ARL15: variants seen among roughly 807,000 people sequenced by gnomAD.
The protein encoded by ARL15 is ADP-ribosylation factor-like protein 15.
ARL15 carries 19 observed loss-of-function variants against 25.2 expected under a neutral mutation model. That is an observed-to-expected ratio of 0.75 (90% confidence interval 0.53 to 1.10). The LOEUF (loss-of-function observed/expected upper bound fraction) is 1.10, where lower values mean the gene tolerates loss of function less well. Among genes scored for constraint, ARL15 ranks in the 50% least tolerant of loss-of-function variants. ARL15 has a pLI of 0.00. For missense variants in ARL15, 220 were observed against 246.0 expected, an observed-to-expected ratio of 0.89 and a Z score of 0.71; for synonymous variants, 94 against 86.8, an observed-to-expected ratio of 1.08 and a Z score of -0.46.
intron 1 of ARL15, among the ~76,000 whole-genome samples, chr5:54,295,245 A>G (rs1758436939): frequency 1.3e-5 from 2 of 152,224 alleles, no homozygotes; most frequent in Non-Finnish European, 2.9e-5. Flanking sequence ...ATTATTTATG[A>G]TAAAACAGGA....
At chr5:54,283,678 G>C (rs42877) in intron 1 of ARL15, among the ~76,000 whole-genome samples, 40,795 of 152,108 alleles carry the variant, frequency 0.27, 6,759 homozygotes, top group African/African-American at 0.47. Context: ...ATTACCCCAA[G>C]TTGTACCTTT....
At chr5:54,267,991 T>C (rs1399483482) in intron 1 of ARL15, among the ~76,000 whole-genome samples, 5 of 151,934 alleles carry the variant, frequency 3.3e-5, no homozygotes, top group Non-Finnish European at 2.9e-5. Flanking sequence ...GTTCTCTGTA[T>C]TTCCTGAATC....
At chr5:54,140,441 T>C (rs1200503308) in intron 3 of ARL15, among the ~76,000 whole-genome samples, 3 of 137,738 alleles carry the variant, frequency 2.2e-5, no homozygotes, top group Admixed American at 8.1e-5. Flanking sequence ...GATAGATAGA[T>C]AGATAGATAG....
intron 4 of ARL15, among the ~76,000 whole-genome samples, chr5:54,037,054 TTTTA>T (rs1750190164): frequency 6.6e-6 from 1 of 152,064 alleles, no homozygotes; most frequent in South Asian, 2.1e-4. Context: ...TTATACAGGT[TTTTA>T]TTTGTCAGAA....
chr5:54,247,075 T>A (rs2112589116), intron 1 of ARL15, among the ~76,000 whole-genome samples: 1 of 152,238 alleles, frequency 6.6e-6, no homozygotes, highest in African/African-American at 2.4e-5. Flanking sequence ...ATAATTTGCA[T>A]TTTTGTTTTC....
At chr5:54,206,703 G>A (rs1579910629) in intron 1 of ARL15, among the ~76,000 whole-genome samples, 1 of 152,294 alleles carries the variant, frequency 6.6e-6, no homozygotes, top group East Asian at 1.9e-4. Flanking sequence ...AGGGGAAAAA[G>A]AACTTGATTT....
chr5:54,236,407 GACACACACACACACACACACACACAC>G (rs72439978), intron 1 of ARL15, among the ~76,000 whole-genome samples: 2 of 140,644 alleles, frequency 1.4e-5, no homozygotes, highest in East Asian at 4.1e-4. Flanking sequence ...ACTAAACACA[GACACACACACACACACACACACACAC>G]ACACACACAC....
intron 2 of ARL15, among the ~76,000 whole-genome samples, chr5:54,162,806 C>T (rs1374889001): frequency 6.6e-6 from 1 of 152,118 alleles, no homozygotes; most frequent in African/African-American, 2.4e-5. Flanking sequence ...AAAGAGTTGT[C>T]GATTCAATTA....
At chr5:53,979,558 A>AAAC (rs910390021) in intron 4 of ARL15, among the ~76,000 whole-genome samples, 3 of 152,024 alleles carry the variant, frequency 2.0e-5, no homozygotes, top group Admixed American at 6.6e-5. Context: ...ACCAAAACCT[A>AAAC]AACAACAACA....
At chr5:54,187,975 GC>G (rs1755286122) in intron 1 of ARL15, among the ~76,000 whole-genome samples, 2 of 152,138 alleles carry the variant, frequency 1.3e-5, no homozygotes, top group Admixed American at 6.6e-5. Flanking sequence ...TGTGTGACTA[GC>G]CATTCTTTTC....
In ARL15 at chr5:54,146,405, C is replaced by T. The variant is rs184527140; in HGVS notation, c.253+8175G>A. Among the ~76,000 whole-genome samples, 38 of 152,166 alleles carry T rather than the reference C, an allele frequency of 2.5e-4. 1 individual carries two copies. The East Asian group carries it at 6.0e-3, about 24-fold the overall frequency. ...ACAAGAGAATTGTTATCAGCATCTT[C>T]GACTGCTGGAAAAAAAAATAAGTAG... On this transcript the variant is annotated intron_variant, in intron 3 of 4. Transcript: ENST00000504924.
chr5:54,144,939 C>CT (rs1355042709), intron 3 of ARL15, among the ~76,000 whole-genome samples: 1 of 152,150 alleles, frequency 6.6e-6, no homozygotes, highest in Non-Finnish European at 1.5e-5. Flanking sequence ...CTGATGAGCC[C>CT]TTTGATTAAT....
rs573560505 is a variant in ARL15, at chr5:54,076,848, G to A, written c.462+36354C>T. On this transcript the variant is annotated intron_variant, in intron 4 of 4. Coordinates refer to ENST00000504924, the MANE Select transcript of ARL15 (RefSeq NM_019087.3). ...AACATCCATGGAGGAAGACATCAGC[G>A]TTAATTCCTAAAAAGGCTCCTGTGC... Among the ~76,000 whole-genome samples, 41 of 152,024 alleles carry A rather than the reference G, an allele frequency of 2.7e-4. No homozygotes were observed. In the South Asian group the frequency reaches 5.0e-3, roughly 19 times the overall value.
chr5:54,267,237 A>G (rs951162673), intron 1 of ARL15, among the ~76,000 whole-genome samples: 3 of 152,120 alleles, frequency 2.0e-5, no homozygotes, highest in African/African-American at 7.2e-5. Context: ...GACTACAGGC[A>G]TGTGCCACCA....
chr5:54,133,008 T>C (rs1436791226), intron 3 of ARL15, among the ~76,000 whole-genome samples: 1 of 152,234 alleles, frequency 6.6e-6, no homozygotes, highest in Non-Finnish European at 1.5e-5. Context: ...AATGTATTTC[T>C]AATAGGAATG....
intron 4 of ARL15, among the ~76,000 whole-genome samples, chr5:54,085,124 C>A (rs1225124045): frequency 6.6e-5 from 10 of 152,130 alleles, no homozygotes; most frequent in Admixed American, 2.0e-4. Flanking sequence ...ACTGAAATGA[C>A]ACTGCTACCA....
intron 4 of ARL15, among the ~76,000 whole-genome samples, chr5:54,083,637 T>C (rs542030230): frequency 1.3e-5 from 2 of 152,304 alleles, no homozygotes; most frequent in African/African-American, 4.8e-5. Flanking sequence ...ATTAACTATA[T>C]TATCAGTGCA....
chr5:53,929,487 C>T (rs1439255218), intron 4 of ARL15, among the ~76,000 whole-genome samples: 2 of 152,196 alleles, frequency 1.3e-5, no homozygotes, highest in Non-Finnish European at 2.9e-5. Flanking sequence ...GTCCACTACC[C>T]ATGTATGCTA....
In ARL15 at chr5:53,886,574, G is replaced by C. The variant is rs1323763952; in HGVS notation, c.602C>G (p.Ala201Gly). The change falls in exon 5 of 5, where the codon GCT becomes GGT. Residue 201 changes from alanine (A) to glycine (G), a missense_variant. By Grantham distance (60) the Ala-to-Gly change is moderately conservative (BLOSUM62 0). Transcript: ENST00000504924. ...INLLEEKDHE[A>G]VRM Reference sequence around the variant, plus strand: ...CTTTGCCAGATTTCACATTCTTACAGCTTCATGGTCTTTTTCTTCTAACAA... The same window carrying C: ...CTTTGCCAGATTTCACATTCTTACACCTTCATGGTCTTTTTCTTCTAACAA... 1.3e-6 allele frequency: 2 copies of C among 1,561,584 alleles called. No homozygotes were observed. Among genetic ancestry groups the C allele is most frequent in the African/African-American group, 2.7e-5 (2 of 73,650 alleles).
Sources: allele counts gnomAD v4.1 joint callset (sites outside exome capture counted in the v4.1 genomes callset), GRCh38; gene constraint gnomAD v4.1.1; transcripts MANE v1.5; gene names NCBI Gene and HGNC (gene_info 2026-07-23, HGNC 2026-07-21).